The following GPC5 variants were observed in gnomAD, a reference collection of about 807,000 sequenced individuals.
The protein encoded by GPC5 is glypican 5.
In GPC5, 47 loss-of-function variants were observed where a neutral mutation model predicts 53.9. That is an observed-to-expected ratio of 0.87 (90% CI 0.69 to 1.11). The LOEUF (loss-of-function observed/expected upper bound fraction) is 1.11, where lower values mean the gene tolerates loss of function less well. GPC5 is among the 50% of genes most tolerant of loss of function. The pLI, the probability that GPC5 is intolerant of heterozygous loss-of-function variation, is 0.00. For missense variants in GPC5, 748 were observed against 713.1 expected, an observed-to-expected ratio of 1.05 and a Z score of -0.56; for synonymous variants, 286 against 263.3, an observed-to-expected ratio of 1.09 and a Z score of -0.84.
chr13:92,663,814 CTATA>C (rs200264988), intron 7 of GPC5, among the ~76,000 whole-genome samples: 3 of 131,244 alleles, frequency 2.3e-5, no homozygotes, highest in Non-Finnish European at 4.7e-5. Flanking sequence ...TATATACACA[CTATA>C]TATATATACA....
At chr13:92,435,897 T>C (rs1877285984) in intron 7 of GPC5, among the ~76,000 whole-genome samples, 1 of 152,172 alleles carries the variant, frequency 6.6e-6, no homozygotes, top group African/African-American at 2.4e-5. Context: ...CAAAACAACT[T>C]CGAATTCACA....
chr13:92,081,505 A>G (rs1467644230), intron 6 of GPC5, among the ~76,000 whole-genome samples: 1 of 150,412 alleles, frequency 6.6e-6, no homozygotes, highest in East Asian at 1.9e-4. Context: ...GGAAGATCAG[A>G]TTTTTTTTTT....
intron 6 of GPC5, among the ~76,000 whole-genome samples, chr13:92,056,789 A>G (rs994848568): frequency 2.0e-5 from 3 of 152,224 alleles, no homozygotes; most frequent in Admixed American, 2.0e-4. Context: ...CATAAAGGAA[A>G]GCAATATAAT....
intron 7 of GPC5, among the ~76,000 whole-genome samples, chr13:92,453,716 G>A (rs1399095453): frequency 6.6e-6 from 1 of 152,016 alleles, no homozygotes; most frequent in Non-Finnish European, 1.5e-5. Context: ...TGTATTTGAG[G>A]GAAATGGAAG....
chr13:91,851,542 C>A (rs1007475381), intron 5 of GPC5, among the ~76,000 whole-genome samples: 1 of 151,140 alleles, frequency 6.6e-6, no homozygotes, highest in African/African-American at 2.4e-5. Context: ...GGTACATGTG[C>A]ACATTGTGCA....
Position 92,581,290 on chromosome 13 carries a change from A to G in GPC5, c.1562-284992A>G, listed in dbSNP as rs185144544. On this transcript the variant is annotated intron_variant, in intron 7 of 7. Transcript: ENST00000377067. Reference sequence around the variant, plus strand: ...CTATTTCTATGAGTTGGACTCTTTTATACTCTGCATGTAAGCAAGATCATG... The same window carrying G: ...CTATTTCTATGAGTTGGACTCTTTTGTACTCTGCATGTAAGCAAGATCATG... 1.6e-3 allele frequency among the ~76,000 whole-genome samples: 241 copies of G among 152,178 alleles called. 2 individuals carry two copies. The highest frequency in any genetic ancestry group is 6.8e-3 in the Middle Eastern group (2 of 294).
intron 7 of GPC5, chr13:92,340,348 A>G (rs1428370020): frequency 6.6e-6 from 1 of 152,132 alleles, no homozygotes; most frequent in Non-Finnish European, 1.5e-5. Context: ...CAATGCAATC[A>G]AATCCTAGAG....
intron 7 of GPC5, among the ~76,000 whole-genome samples, chr13:92,537,586 C>A (rs139234765): frequency 3.9e-4 from 59 of 152,160 alleles, no homozygotes; most frequent in Non-Finnish European, 3.7e-4. Flanking sequence ...TCCCTGATTG[C>A]CTAATATAAG....
intron 3 of GPC5, among the ~76,000 whole-genome samples, chr13:91,698,277 A>C (rs941628509): frequency 3.9e-5 from 6 of 152,150 alleles, no homozygotes; most frequent in South Asian, 2.1e-4. Flanking sequence ...TTGTACTCAA[A>C]TTACTTTAGA....
intron 7 of GPC5, chr13:92,448,556 G>A (rs1166325963): frequency 1.3e-5 from 2 of 152,066 alleles, no homozygotes; most frequent in African/African-American, 2.4e-5. Flanking sequence ...ATGCTCAGCA[G>A]TGTGGTAGAG....
chr13:92,600,678 T>G (rs1352746385), intron 7 of GPC5, among the ~76,000 whole-genome samples: 2 of 150,594 alleles, frequency 1.3e-5, no homozygotes. Flanking sequence ...TTTTTTTTTT[T>G]GCATTTTTAC....
In GPC5 at chr13:92,144,317, G is replaced by A. The variant is rs532469021; in HGVS notation, c.1402-513G>A. 9.9e-5 allele frequency among the ~76,000 whole-genome samples: 15 copies of A among 152,272 alleles called. 1 individual carries two copies. In the South Asian group the frequency reaches 2.5e-3, roughly 25 times the overall value. On this transcript the variant is annotated intron_variant, in intron 6 of 7. Coordinates refer to ENST00000377067, the MANE Select transcript of GPC5 (RefSeq NM_004466.6). ...CAGTATGTGCCATATGCATTGGACT[G>A]TGTATTTGATCCAAGAAAGTTTAAA... is the stretch of plus-strand genomic sequence containing the variant.
chr13:91,567,532 G>GT (rs1328777175), intron 2 of GPC5, among the ~76,000 whole-genome samples: 1 of 152,156 alleles, frequency 6.6e-6, no homozygotes, highest in African/African-American at 2.4e-5. Context: ...CTCAGGAGAG[G>GT]TTTTTTAATA....
intron 7 of GPC5, among the ~76,000 whole-genome samples, chr13:92,723,978 T>C (rs1444917213): frequency 6.6e-6 from 1 of 151,434 alleles, no homozygotes; most frequent in East Asian, 1.9e-4. Flanking sequence ...AGAAATAGAG[T>C]TGGAGGTTAA....
chr13:91,536,683 C>T (rs946431222), intron 2 of GPC5, among the ~76,000 whole-genome samples: 2 of 152,266 alleles, frequency 1.3e-5, no homozygotes, highest in East Asian at 3.9e-4. Context: ...TCTCTGCATG[C>T]CTGTGTCTAT....
At chr13:91,720,336 G>A (rs1011397876) in intron 3 of GPC5, among the ~76,000 whole-genome samples, 20 of 152,296 alleles carry the variant, frequency 1.3e-4, no homozygotes, top group African/African-American at 4.8e-4. Context: ...AGCCAATGAT[G>A]AATTTTAGTC....
At chr13:92,670,334 AAC>A (rs2139204085) in intron 7 of GPC5, among the ~76,000 whole-genome samples, 1 of 152,286 alleles carries the variant, frequency 6.6e-6, no homozygotes, top group East Asian at 1.9e-4. Flanking sequence ...GTCCCACAGA[AAC>A]ACAGGAGATG....
intron 1 of GPC5, among the ~76,000 whole-genome samples, chr13:91,440,920 C>G (rs1169244954): frequency 6.6e-6 from 1 of 152,172 alleles, no homozygotes; most frequent in Non-Finnish European, 1.5e-5. Flanking sequence ...TACACAGAAA[C>G]TGGGGTTCTT....
chr13:92,047,447 T>A (rs552823402), intron 6 of GPC5, among the ~76,000 whole-genome samples: 1 of 151,190 alleles, frequency 6.6e-6, no homozygotes, highest in African/African-American at 2.4e-5. Flanking sequence ...TATATATTTT[T>A]TTTTCCTTAT....
Sources: allele counts gnomAD v4.1 joint callset (sites outside exome capture counted in the v4.1 genomes callset), GRCh38; gene constraint gnomAD v4.1.1; transcripts MANE v1.5; gene names NCBI Gene and HGNC (gene_info 2026-07-23, HGNC 2026-07-21).